KLF8: variants seen among roughly 807,000 people sequenced by gnomAD.
The protein encoded by KLF8 is KLF transcription factor 8.
A neutral mutation model predicts 18.2 loss-of-function variants in KLF8; 10 were observed. The ratio of observed to expected loss-of-function variants is 0.55; its 90% CI spans 0.34 to 0.93. The LOEUF (loss-of-function observed/expected upper bound fraction) is 0.93, where lower values mean the gene tolerates loss of function less well. KLF8 is among the 40% of genes least tolerant of loss of function. The probability of loss-of-function intolerance (pLI) is 0.02; values close to 1 mark genes in which losing one functional copy is unlikely to be tolerated. For missense variants in KLF8, 264 were observed against 277.9 expected (o/e 0.95, Z 0.36); for synonymous variants, 109 against 97.3 (o/e 1.12, Z -0.71).
the KLF8 span, among the ~76,000 whole-genome samples, chrX:56,197,273 A>G: frequency 9.0e-6 from 1 of 111,516 alleles, no homozygotes; most frequent in East Asian, 2.8e-4. Context: ...GACACAAAAA[A>G]AAAACCTTCA....
the KLF8 span, among the ~76,000 whole-genome samples, chrX:56,080,724 G>T: frequency 3.0e-4 from 33 of 111,594 alleles, 1 homozygote; most frequent in East Asian, 9.3e-3. Flanking sequence ...AATTCTCCTG[G>T]ATAATATCCT....
At chrX:56,069,923 A>G in the KLF8 span, among the ~76,000 whole-genome samples, 1 of 112,722 alleles carries the variant, frequency 8.9e-6, no homozygotes, top group Admixed American at 9.3e-5. Context: ...AGGATTATCA[A>G]TCATTCTCCT....
the KLF8 span, among the ~76,000 whole-genome samples, chrX:56,085,751 A>AT: frequency 8.9e-6 from 1 of 112,491 alleles, no homozygotes; most frequent in Non-Finnish European, 1.9e-5. Flanking sequence ...GTTGACTAAA[A>AT]ATATATCTAG....
At chrX:56,010,174 C>T in the KLF8 span, among the ~76,000 whole-genome samples, 4 of 110,969 alleles carry the variant, frequency 3.6e-5, no homozygotes, top group African/African-American at 1.3e-4. Flanking sequence ...TTCTCCAAGG[C>T]TGAAATGAAC....
the KLF8 span, among the ~76,000 whole-genome samples, chrX:55,945,050 C>A: frequency 9.0e-6 from 1 of 111,448 alleles, no homozygotes; most frequent in East Asian, 2.8e-4. Flanking sequence ...TCGTTGGTTT[C>A]AAAGAACATC....
chrX:56,078,543 C>T, the KLF8 span, among the ~76,000 whole-genome samples: 1 of 111,782 alleles, frequency 8.9e-6, no homozygotes, highest in Admixed American at 9.5e-5. Flanking sequence ...ATTCGTTTTG[C>T]CAGTATTTTA....
chrX:56,110,211 T>C, the KLF8 span, among the ~76,000 whole-genome samples: 1 of 112,045 alleles, frequency 8.9e-6, no homozygotes, highest in Non-Finnish European at 1.9e-5. Flanking sequence ...TGATTCCATG[T>C]CTTTGCTATT....
chrX:55,908,293 G>C, the KLF8 span: 4 of 273,198 alleles, frequency 1.5e-5, no homozygotes, highest in East Asian at 5.2e-5. Flanking sequence ...AGAAAGGTCC[G>C]GGGTATTGTT....
At chrX:56,275,814 T>G (rs774656235) in intron 5 of KLF8, among the ~76,000 whole-genome samples, 43 of 112,564 alleles carry the variant, frequency 3.8e-4, no homozygotes, top group Non-Finnish European at 6.8e-4. Context: ...TTGCATATGC[T>G]GAACCATCCC....
the KLF8 span, among the ~76,000 whole-genome samples, chrX:56,009,914 A>C: frequency 1.8e-5 from 2 of 112,381 alleles, no homozygotes; most frequent in Admixed American, 1.9e-4. Context: ...TTGGAGTAAA[A>C]ATAATGAAAA....
At chrX:55,915,738 C>T in the KLF8 span, among the ~76,000 whole-genome samples, 1 of 112,028 alleles carries the variant, frequency 8.9e-6, no homozygotes, top group African/African-American at 3.2e-5. Flanking sequence ...CAAGCTGAAG[C>T]AGCAGCTTCC....
chrX:56,052,561 C>G, the KLF8 span, among the ~76,000 whole-genome samples: 1 of 111,698 alleles, frequency 9.0e-6, no homozygotes, highest in African/African-American at 3.3e-5. Context: ...CTGGGGGGTG[C>G]GTCCCAGTTA....
chrX:56,169,142 T>A, the KLF8 span, among the ~76,000 whole-genome samples: 1 of 111,014 alleles, frequency 9.0e-6, no homozygotes, highest in African/African-American at 3.3e-5. Flanking sequence ...CCTGGCAGGA[T>A]CCATCTCCTG....
At chrX:56,145,446 A>T in the KLF8 span, among the ~76,000 whole-genome samples, 1 of 112,447 alleles carries the variant, frequency 8.9e-6, no homozygotes, top group South Asian at 3.7e-4. Context: ...CAGCTATTTC[A>T]CTCCCAGTTA....
At chrX:56,064,480 C>A in the KLF8 span, among the ~76,000 whole-genome samples, 2 of 110,424 alleles carry the variant, frequency 1.8e-5, no homozygotes, top group Non-Finnish European at 3.8e-5. Context: ...CAGTCAATAT[C>A]TTTTAAGTGG....
At chrX:56,093,627 G>A in the KLF8 span, among the ~76,000 whole-genome samples, 2 of 109,387 alleles carry the variant, frequency 1.8e-5, no homozygotes, top group Non-Finnish European at 3.8e-5. Flanking sequence ...GAGTATTAGA[G>A]GAAAAATAAA....
At chrX:56,217,134 A>G in the KLF8 span, among the ~76,000 whole-genome samples, 1 of 112,102 alleles carries the variant, frequency 8.9e-6, no homozygotes, top group South Asian at 3.7e-4. Context: ...AGAGTTAGTG[A>G]AAATATGTGC....
the KLF8 span, among the ~76,000 whole-genome samples, chrX:56,014,327 G>C: frequency 8.9e-6 from 1 of 112,194 alleles, no homozygotes; most frequent in Non-Finnish European, 1.9e-5. Context: ...GACATGAACA[G>C]ACACTTCTCA....
chrX:56,183,605 C>A, the KLF8 span, among the ~76,000 whole-genome samples: 1 of 110,768 alleles, frequency 9.0e-6, no homozygotes, highest in Admixed American at 9.6e-5. Context: ...AACCCTCCCA[C>A]AATATAGTAT....
Sources: allele counts gnomAD v4.1 joint callset (sites outside exome capture counted in the v4.1 genomes callset), GRCh38; gene constraint gnomAD v4.1.1; transcripts MANE v1.5; gene names NCBI Gene and HGNC (gene_info 2026-07-23, HGNC 2026-07-21).